The following UBASH3B variants were observed in gnomAD, a reference collection of about 807,000 sequenced individuals.
UBASH3B encodes ubiquitin-associated and SH3 domain-containing protein B.
In UBASH3B, 37 loss-of-function variants were observed where a neutral mutation model predicts 83.4. The ratio of observed to expected loss-of-function variants is 0.44; its 90% confidence interval spans 0.34 to 0.58. The LOEUF is 0.58. Ranked by LOEUF, UBASH3B falls within the 20% of genes least tolerant of loss-of-function variation. The pLI is 0.01. For missense variants in UBASH3B, 657 were observed against 827.2 expected, an observed-to-expected ratio of 0.79 and a Z score of 2.52; for synonymous variants, 304 against 318.3, an observed-to-expected ratio of 0.96 and a Z score of 0.48.
At chr11:122,743,810 G>A (rs577593902) in intron 1 of UBASH3B, among the ~76,000 whole-genome samples, 2 of 152,326 alleles carry the variant, frequency 1.3e-5, no homozygotes, top group South Asian at 4.1e-4. Context: ...TGGCAGGCAC[G>A]AGTAAGTCTA....
At chr11:122,751,776 T>C (rs1861202905) in intron 1 of UBASH3B, among the ~76,000 whole-genome samples, 1 of 152,238 alleles carries the variant, frequency 6.6e-6, no homozygotes, top group Admixed American at 6.5e-5. Context: ...ATTAGAATGC[T>C]GATTTTAGGA....
chr11:122,685,417 G>GA (rs1863796919), intron 1 of UBASH3B, among the ~76,000 whole-genome samples: 1 of 152,224 alleles, frequency 6.6e-6, no homozygotes, highest in African/African-American at 2.4e-5. Flanking sequence ...GTTTCCCTCT[G>GA]AAAGTGTCTG....
At chr11:122,803,599 GA>G (rs1861291538) in intron 11 of UBASH3B, among the ~76,000 whole-genome samples, 1 of 152,076 alleles carries the variant, frequency 6.6e-6, no homozygotes, top group Non-Finnish European at 1.5e-5. Context: ...GAGCAAGGCA[GA>G]AAAAACAAAA....
At chr11:122,713,578 G>A (rs538943249) in intron 1 of UBASH3B, among the ~76,000 whole-genome samples, 1 of 152,208 alleles carries the variant, frequency 6.6e-6, no homozygotes, top group African/African-American at 2.4e-5. Context: ...AGAAACTATA[G>A]GCATGTTGCA....
At chr11:122,773,331 C>T (rs1860680235) in intron 1 of UBASH3B, among the ~76,000 whole-genome samples, 1 of 152,136 alleles carries the variant, frequency 6.6e-6, no homozygotes, top group African/African-American at 2.4e-5. Context: ...CACACTTAGC[C>T]CAAATCGATG....
At chr11:122,800,990 C>T (rs531507973) in intron 10 of UBASH3B, among the ~76,000 whole-genome samples, 198 bp from the exon 11 acceptor site, 65 of 152,210 alleles carry the variant, frequency 4.3e-4, no homozygotes, top group Middle Eastern at 3.4e-3. Context: ...CCTGGGGGTA[C>T]GGCAGGAGTA....
intron 1 of UBASH3B, among the ~76,000 whole-genome samples, chr11:122,736,948 T>C (rs1860943145): frequency 6.6e-6 from 1 of 152,010 alleles, no homozygotes; most frequent in African/African-American, 2.4e-5. Flanking sequence ...GAAAGCAACA[T>C]AGAAGATTTA....
intron 5 of UBASH3B, among the ~76,000 whole-genome samples, chr11:122,784,924 G>A (rs903653858): frequency 2.0e-5 from 3 of 152,118 alleles, no homozygotes; most frequent in African/African-American, 4.8e-5. Context: ...CTAGAGTCAC[G>A]TAGAACGAAC....
intron 6 of UBASH3B, among the ~76,000 whole-genome samples, chr11:122,790,880 G>A (rs1328324979): frequency 1.3e-5 from 2 of 152,052 alleles, no homozygotes; most frequent in East Asian, 3.9e-4. Flanking sequence ...GAACCTAGGA[G>A]GTGGAGGTTG....
At chr11:122,698,416 A>G (rs755428081) in intron 1 of UBASH3B, among the ~76,000 whole-genome samples, 2 of 152,114 alleles carry the variant, frequency 1.3e-5, no homozygotes, top group Non-Finnish European at 2.9e-5. Context: ...GACCATTTGA[A>G]TTTTACATTT....
At chr11:122,685,182 T>C (rs2135913073) in intron 1 of UBASH3B, among the ~76,000 whole-genome samples, 1 of 152,342 alleles carries the variant, frequency 6.6e-6, no homozygotes, top group South Asian at 2.1e-4. Context: ...GAAAGTCCAT[T>C]GTACCTTCAG....
chr11:122,792,969 T>G (rs572925279), intron 6 of UBASH3B, among the ~76,000 whole-genome samples: 144 of 152,020 alleles, frequency 9.5e-4, no homozygotes, highest in African/African-American at 3.4e-3. Flanking sequence ...TATAAGTAGA[T>G]AGAATGAGTC....
In UBASH3B at chr11:122,656,080, G is replaced by C. The variant is rs1863356351; in HGVS notation, c.31G>C (p.Gly11Arg). MAQYGHPSPL[G>R]MAAREELYSK... is the part of the protein sequence containing the mutation. The stretch of plus-strand genomic sequence containing the variant: ...TCAGTACGGCCACCCCAGTCCGCTC[G>C]GCATGGCTGCGAGAGAGGAGCTGTA... The change falls in exon 1 of 14, where the codon GGC becomes CGC. Residue 11 changes from glycine to arginine, a missense_variant. Around this residue, in one of 3 missense-constraint regions of UBASH3B, gnomAD observed 78 missense variants for 68.4 expected, o/e 1.14. Transcript: ENST00000284273. The C allele has an allele frequency of 1.9e-6, 3 of 1,601,078 alleles. No homozygotes were observed. Among genetic ancestry groups the C allele is most frequent in the African/African-American group, 1.4e-5 (1 of 73,954 alleles).
At chr11:122,793,291 G>T (rs1261378132) in intron 6 of UBASH3B, among the ~76,000 whole-genome samples, 2 of 152,200 alleles carry the variant, frequency 1.3e-5, no homozygotes, top group Non-Finnish European at 2.9e-5. Context: ...GCTGAGGCAG[G>T]AAAATCGCTT....
At chr11:122,791,749 C>G (rs970991985) in intron 6 of UBASH3B, among the ~76,000 whole-genome samples, 2 of 152,168 alleles carry the variant, frequency 1.3e-5, no homozygotes, top group Admixed American at 6.5e-5. Context: ...CCAGGGGATC[C>G]AGGCAACAAG....
intron 1 of UBASH3B, among the ~76,000 whole-genome samples, chr11:122,756,748 A>G (rs1861289330): frequency 6.6e-6 from 1 of 152,188 alleles, no homozygotes; most frequent in Non-Finnish European, 1.5e-5. Flanking sequence ...CTGAGTGGTC[A>G]TCTCTTAGGC....
In UBASH3B at chr11:122,810,164, C is replaced by T. The variant is rs906532935; in HGVS notation, c.*278C>T. 5.8e-6 allele frequency: 2 copies of T among 347,526 alleles called. No individual in the cohort carries two copies. Among genetic ancestry groups the T allele is most frequent in the African/African-American group, 2.1e-5 (1 of 47,800 alleles). 21.5% of individuals were successfully genotyped at this position (347,526 alleles called of 1,614,324 possible). A position where few individuals can be genotyped will look rare whatever the true frequency, so the allele number is the denominator to read the frequency against. On this transcript the variant is annotated 3_prime_UTR_variant, in exon 14 of 14. Coordinates refer to ENST00000284273, the MANE Select transcript of UBASH3B (RefSeq NM_032873.5). ...GCACCTGCTACAGAAGAGAATGTTT[C>T]GTTCCCTCTGGGTATGCACAGCTAA...
At position 122,773,129 on chromosome 11, in the gene UBASH3B, G is replaced by A. The variant is rs111716141; in HGVS notation, c.162-3090G>A. ...CAAGTCCTGAGTCACCCGGAGGATA[G>A]CAGATGCGCAGACTCAGTCTGGGGT... On this transcript the variant is annotated intron_variant, in intron 1 of 13. Coordinates refer to ENST00000284273, the MANE Select transcript of UBASH3B (RefSeq NM_032873.5). Among the ~76,000 whole-genome samples the A allele has an allele frequency of 5.7e-3, 865 of 152,334 alleles. 6 individuals carry two copies. Among genetic ancestry groups the A allele is most frequent in the South Asian group, 0.021 (101 of 4,832 alleles).
At chr11:122,803,026 A>C (rs1293798660) in intron 11 of UBASH3B, among the ~76,000 whole-genome samples, 1 of 152,158 alleles carries the variant, frequency 6.6e-6, no homozygotes, top group Non-Finnish European at 1.5e-5. Flanking sequence ...TGAGCCTGTC[A>C]ATGTACACTC....
Sources: gnomAD v4.1 joint callset for allele counts (sites outside exome capture counted in the v4.1 genomes callset) on GRCh38, gnomAD v4.1.1 for gene constraint, gnomAD v4.1.1 regional missense constraint, MANE v1.5 for transcripts, NCBI Gene and HGNC (gene_info 2026-07-23, HGNC 2026-07-21) for gene names.